Variants in CHFR observed in about 807,000 individuals in gnomAD.
The protein encoded by CHFR is checkpoint with forkhead and ring finger domains, also known as E3 ubiquitin-protein ligase CHFR.
Under a neutral mutation model 87.6 loss-of-function variants are expected in CHFR, and 57 were observed. The observed-to-expected ratio is 0.65, with a 90% confidence interval of 0.53 to 0.81. The LOEUF (loss-of-function observed/expected upper bound fraction) is 0.81. CHFR is among the 30% of genes least tolerant of loss of function. The pLI is 0.00. For missense variants in CHFR, 797 were observed against 865.8 expected, an observed-to-expected ratio of 0.92 and a Z score of 1.00; for synonymous variants, 381 against 359.2, an observed-to-expected ratio of 1.06 and a Z score of -0.69.
intron 13 of CHFR, 97 bp downstream of exon 13, chr12:132,848,543 TA>T: frequency 1.1e-6 from 1 of 925,686 alleles, no homozygotes; most frequent in Non-Finnish European, 1.7e-6. Flanking sequence ...CTCATCCCTA[TA>T]AACATCAGGC....
chr12:132,886,597 T>C (rs1413690108), intron 2 of CHFR, among the ~76,000 whole-genome samples: 1 of 152,168 alleles, frequency 6.6e-6, no homozygotes, highest in African/African-American at 2.4e-5. Context: ...TGAGGGAACT[T>C]TCTCTCACCC....
In CHFR at chr12:132,837,174, A is replaced by T. The variant is rs1389884873; in HGVS notation, c.*4380T>A. The T allele has an allele frequency of 4.0e-5, 11 of 277,792 alleles. No homozygotes were observed. The highest frequency in any genetic ancestry group is 1.3e-3 in the Middle Eastern group (1 of 766). 17.2% of individuals were successfully genotyped at this position (277,792 alleles called of 1,614,324 possible). ...GGAGAAGAGGTTTTCTGAGGGGTGGAGGCAGGGGTCATACATGCTGGGCCT... is the reference window on the plus strand; with the variant it reads ...GGAGAAGAGGTTTTCTGAGGGGTGGTGGCAGGGGTCATACATGCTGGGCCT... On this transcript the variant is annotated 3_prime_UTR_variant, in exon 18 of 18. Coordinates refer to ENST00000450056, the MANE Select transcript of CHFR (RefSeq NM_001161346.2).
intron 4 of CHFR, chr12:132,871,980 A>G (rs974252494): frequency 3.1e-6 from 1 of 325,266 alleles, no homozygotes; most frequent in Non-Finnish European, 5.6e-6. Context: ...TTTATTCCCC[A>G]TAACTCAAGT....
At chr12:132,845,477 T>A (rs10781658) in intron 15 of CHFR, among the ~76,000 whole-genome samples, 145,014 of 150,856 alleles carry the variant, frequency 0.96, 69,938 homozygotes, top group South Asian at 1. Flanking sequence ...AATAAATAAA[T>A]AAATAAAAAT....
chr12:132,865,971 G>A (rs1951326828), intron 6 of CHFR: 1 of 152,240 alleles, frequency 6.6e-6, no homozygotes, highest in Non-Finnish European at 1.5e-5. Context: ...ACTGTGCCCA[G>A]TGCTGAGATG....
At chr12:132,868,760 G>A (rs1951415657) in intron 6 of CHFR, among the ~76,000 whole-genome samples, 1 of 151,254 alleles carries the variant, frequency 6.6e-6, no homozygotes, top group Non-Finnish European at 1.5e-5. Context: ...GAAAGCACAC[G>A]CAGCTGCCAG....
chr12:132,861,590 C>T lies in CHFR; in HGVS notation c.628G>A (p.Val210Met), dbSNP rs1163339779. The T allele has an allele frequency of 2.5e-6, 4 of 1,614,074 alleles. No homozygotes were observed. In the African/African-American group the frequency reaches 5.3e-5, roughly 22 times the overall value. ...AAGCTGGAGACTTCATCACTTGCCA[C>T]AGAGGGACCACTTCCTTTAGGGGAG... Reference protein sequence around the residue: ...GISPKGSGPSVASDEVSSFAS... With the variant: ...GISPKGSGPSMASDEVSSFAS... The change falls in exon 7 of 18, where the codon GTG becomes ATG. Residue 210 changes from valine to methionine, a missense_variant. Transcript: ENST00000450056.
At chr12:132,845,713 C>A (rs1251216699) in intron 15 of CHFR, among the ~76,000 whole-genome samples, 1 of 152,026 alleles carries the variant, frequency 6.6e-6, no homozygotes, top group Non-Finnish European at 1.5e-5. Flanking sequence ...CATCGTGTGC[C>A]CCCCTGGAGA....
rs768814594 is a variant in CHFR at position 132,853,563 on chromosome 12, C to G, written c.1240G>C (p.Val414Leu). 3 of 1,529,904 alleles carry G rather than the reference C, an allele frequency of 2.0e-6. No homozygotes were observed. Among genetic ancestry groups the G allele is most frequent in the Admixed American group, 4.1e-5 (2 of 48,232 alleles). The allele number at this position is 1,529,904 out of a possible 1,614,324, so 94.8% of individuals were successfully genotyped here. A position where few individuals can be genotyped will look rare whatever the true frequency, so the allele number is the denominator to read the frequency against. The change falls in exon 11 of 18, where the codon GTC becomes CTC. Residue 414 changes from valine to leucine, a missense_variant. Physicochemically the swap from Val to Leu is conservative, Grantham distance 32. Transcript: ENST00000450056. ...SESSDISQPY[V>L]VCRQCPEYRR... Reference sequence around the variant, plus strand: ...TACTCAGGACACTGCCGGCACACGACGTATGGCTGGCTGCAAGGAAGCACA... The same window carrying G: ...TACTCAGGACACTGCCGGCACACGAGGTATGGCTGGCTGCAAGGAAGCACA...
intron 16 of CHFR, among the ~76,000 whole-genome samples, chr12:132,843,773 A>T (rs931038723): frequency 1.3e-5 from 2 of 152,018 alleles, no homozygotes; most frequent in Admixed American, 6.6e-5. Context: ...ACATGGTGAA[A>T]CCCCGTCTCT....
chr12:132,872,086 T>C (rs1368171239), intron 4 of CHFR, 199 bp downstream of exon 4: 3 of 522,974 alleles, frequency 5.7e-6, no homozygotes, highest in Non-Finnish European at 1.0e-5. Context: ...TCCTGAGGAA[T>C]GGCTGGGCTC....
At chr12:132,868,191 A>C (rs1035780330) in intron 6 of CHFR, among the ~76,000 whole-genome samples, 1 of 152,196 alleles carries the variant, frequency 6.6e-6, no homozygotes, top group African/African-American at 2.4e-5. Context: ...CACCACGCTA[A>C]GTGAAAGAGC....
At chr12:132,870,070 G>T (rs968221800) in intron 5 of CHFR, among the ~76,000 whole-genome samples, 1 of 151,978 alleles carries the variant, frequency 6.6e-6, no homozygotes, top group African/African-American at 2.4e-5. Flanking sequence ...TTAGCCAGGC[G>T]TGCCGGGCGC....
chr12:132,879,772 C>T (rs1320032486), intron 2 of CHFR, among the ~76,000 whole-genome samples: 1 of 152,138 alleles, frequency 6.6e-6, no homozygotes, highest in South Asian at 2.1e-4. Flanking sequence ...AATATCTCAT[C>T]ATTAATCATT....
At chr12:132,869,480 T>C in intron 6 of CHFR, 139 bp downstream of exon 6, 1 of 709,602 alleles carries the variant, frequency 1.4e-6, no homozygotes, top group Non-Finnish European at 2.4e-6. Context: ...ACACTCAATA[T>C]TGACTCCTAC....
chr12:132,874,503 T>C (rs1387702173), intron 3 of CHFR, among the ~76,000 whole-genome samples: 1,925 of 48,548 alleles, frequency 0.04, no homozygotes, highest in Middle Eastern at 0.048. Context: ...CTGGAACAGG[T>C]GGGAAGGCCC....
chr12:132,861,744 C>T (rs1483936040), intron 6 of CHFR, 110 bp from the exon 7 acceptor site: 9 of 992,332 alleles, frequency 9.1e-6, no homozygotes, highest in East Asian at 2.6e-5. Flanking sequence ...CCTGAGATGT[C>T]GTAGTTTAGG....
At chr12:132,883,129 T>C (rs970917433) in intron 2 of CHFR, 3 of 152,120 alleles carry the variant, frequency 2.0e-5, no homozygotes, top group African/African-American at 4.8e-5. Flanking sequence ...GCCACTCTCT[T>C]AGAATAAAGA....
rs529733320 is a variant in CHFR at position 132,879,268 on chromosome 12, TAC to T, written c.134-1616_134-1615del. ...CCTCAGCCTCCCAAAGTGTTGGGAT[TAC>T]AGGCTTGAGCCACCGCACCTGGCCT... On this transcript the variant is annotated intron_variant, in intron 2 of 17. Coordinates refer to ENST00000450056, the MANE Select transcript of CHFR (RefSeq NM_001161346.2). Among the ~76,000 whole-genome samples, 23 of 152,288 alleles carry T rather than the reference TAC, an allele frequency of 1.5e-4. No individual in the cohort carries two copies. The South Asian group carries it at 4.8e-3, about 32-fold the overall frequency.
Sources: gnomAD v4.1 joint callset for allele counts (sites outside exome capture counted in the v4.1 genomes callset) on GRCh38, gnomAD v4.1.1 for gene constraint, MANE v1.5 for transcripts, NCBI Gene and HGNC (gene_info 2026-07-23, HGNC 2026-07-21) for gene names.